FIGN: variants seen among roughly 807,000 people sequenced by gnomAD.
The protein encoded by FIGN is fidgetin, microtubule severing factor.
Under a neutral mutation model 51.3 loss-of-function variants are expected in FIGN, and 11 were observed. The ratio of observed to expected loss-of-function variants is 0.21; its 90% CI spans 0.13 to 0.35. The LOEUF (loss-of-function observed/expected upper bound fraction) is 0.35, where lower values mean the gene tolerates loss of function less well. Ranked by LOEUF, FIGN falls within the 10% of genes least tolerant of loss-of-function variation. The pLI, the probability that FIGN is intolerant of heterozygous loss-of-function variation, is 1.00. For synonymous variants in FIGN, 407 were observed against 363.2 expected, an observed-to-expected ratio of 1.12 and a Z score of -1.37; for missense variants, 857 against 943.6, an observed-to-expected ratio of 0.91 and a Z score of 1.20.
chr2:163,715,850 C>G (rs1469867293), intron 2 of FIGN, among the ~76,000 whole-genome samples: 2 of 152,144 alleles, frequency 1.3e-5, no homozygotes, highest in Non-Finnish European at 2.9e-5. Context: ...CCTATAAACT[C>G]AAAGAAAGTA....
intron 2 of FIGN, among the ~76,000 whole-genome samples, chr2:163,651,393 T>G (rs924856122): frequency 6.6e-6 from 1 of 152,032 alleles, no homozygotes; most frequent in African/African-American, 2.4e-5. Context: ...ACCTGGGAGG[T>G]TGCAGTGAGC....
rs1006692877 is a variant in FIGN at position 163,658,400 on chromosome 2, T to G, written c.26-46594A>C. ...CTCTCTCTCTCTCTCTCTCTCTCTC[T>G]CTCTCTCTCGGTCTTAGTCTGTTTG... On this transcript the variant is annotated intron_variant, in intron 2 of 2. Coordinates refer to ENST00000333129, the MANE Select transcript of FIGN (RefSeq NM_018086.4). Among the ~76,000 whole-genome samples, 821 of 144,714 alleles carry G rather than the reference T, an allele frequency of 5.7e-3. 14 individuals are homozygous for G. Among genetic ancestry groups the G allele is most frequent in the African/African-American group, 0.02 (789 of 38,532 alleles). The allele number at this position is 144,714 out of a possible 152,430, so 94.9% of individuals were successfully genotyped here.
intron 2 of FIGN, among the ~76,000 whole-genome samples, chr2:163,655,829 C>T (rs1683551763): frequency 1.4e-5 from 2 of 138,538 alleles, no homozygotes; most frequent in Non-Finnish European, 3.0e-5. Context: ...AGAGAGAGAG[C>T]TCTACATTTG....
intron 2 of FIGN, among the ~76,000 whole-genome samples, chr2:163,681,669 T>C (rs1026818368): frequency 2.0e-5 from 3 of 152,188 alleles, no homozygotes; most frequent in African/African-American, 7.2e-5. Context: ...AATATCTTTG[T>C]GTCTGTGTAT....
chr2:163,663,411 C>G (rs1403648260), intron 2 of FIGN, among the ~76,000 whole-genome samples: 1 of 151,470 alleles, frequency 6.6e-6, no homozygotes, highest in Non-Finnish European at 1.5e-5. Context: ...CTCAGCTCAC[C>G]GCAACCTCTG....
Position 163,734,996 on chromosome 2 carries a change from T to A in FIGN, c.-69A>T. 6.5e-7 allele frequency: 1 copy of A among 1,537,062 alleles called. No homozygotes were observed. The highest frequency in any genetic ancestry group is 8.9e-7 in the Non-Finnish European group (1 of 1,117,704). ...CAGGAATTCCAAAGGTTGCTTTTCA[T>A]TAAAGCCACTTTTCCTCTCAGCTAT... is the stretch of plus-strand genomic sequence containing the variant. On this transcript the variant is annotated 5_prime_UTR_variant, in exon 2 of 3. An upstream start codon of the reference 5' UTR is lost. Transcript: ENST00000333129.
In FIGN at chr2:163,618,414, C is replaced by CTT. The variant is rs35790939; in HGVS notation, c.26-6610_26-6609dup. 3.1e-3 allele frequency among the ~76,000 whole-genome samples: 451 copies of CTT among 145,752 alleles called. 3 individuals are homozygous for CTT. The highest frequency in any genetic ancestry group is 4.7e-3 in the Non-Finnish European group (310 of 65,832). On this transcript the variant is annotated intron_variant, in intron 2 of 2. Transcript: ENST00000333129. ...TCCATTGTATTTGCATAAAACAATG[C>CTT]TTTTTTTTTTTTAAACAATTATGAA... is the stretch of plus-strand genomic sequence containing the variant.
rs1684855099 is a variant in FIGN at position 163,727,457 on chromosome 2, C to T, written c.25+7446G>A. 8.6e-5 allele frequency among the ~76,000 whole-genome samples: 13 copies of T among 151,826 alleles called. No individual in the cohort carries two copies. In the South Asian group the frequency reaches 2.7e-3, roughly 32 times the overall value. On this transcript the variant is annotated intron_variant, in intron 2 of 2. Transcript: ENST00000333129. ...TGGGACACTGTTATAATAGTTATTT[C>T]CCAGCTTTCTTTCATTAAAGTGCCT...
intron 2 of FIGN, among the ~76,000 whole-genome samples, chr2:163,681,008 T>C (rs577474819): frequency 6.6e-6 from 1 of 152,310 alleles, no homozygotes; most frequent in East Asian, 1.9e-4. Context: ...ACAATGACCT[T>C]AAGCAATAGT....
intron 2 of FIGN, among the ~76,000 whole-genome samples, chr2:163,676,372 C>CA (rs1683963958): frequency 7.0e-6 from 1 of 142,266 alleles, no homozygotes; most frequent in Non-Finnish European, 1.5e-5. Flanking sequence ...TTTATTCGTA[C>CA]AAAATGTATT....
intron 2 of FIGN, among the ~76,000 whole-genome samples, chr2:163,684,950 T>C (rs1375921891): frequency 6.6e-6 from 1 of 150,580 alleles, no homozygotes; most frequent in African/African-American, 2.4e-5. Flanking sequence ...TTTTTTTTTT[T>C]TTTTTTTTGT....
intron 2 of FIGN, among the ~76,000 whole-genome samples, chr2:163,701,424 G>A (rs1448260418): frequency 6.6e-6 from 1 of 152,190 alleles, no homozygotes; most frequent in East Asian, 1.9e-4. Context: ...GGACACAGGA[G>A]GGCCCAAACA....
intron 2 of FIGN, among the ~76,000 whole-genome samples, chr2:163,613,412 G>A (rs1275458357): frequency 6.6e-6 from 1 of 152,048 alleles, no homozygotes; most frequent in Admixed American, 6.6e-5. Context: ...TATTTTGTCA[G>A]TTTCTACCCC....
rs1239169513 is a variant in FIGN, at chr2:163,610,412, T to C, written c.1420A>G (p.Asn474Asp). Residue 474 changes from asparagine to aspartate, a missense_variant, in exon 3 of 3, where the codon AAT becomes GAT. Physicochemically the swap from Asn to Asp is conservative, Grantham distance 23. This residue lies in a region of FIGN where 799 missense variants were observed against 849.5 expected (regional missense o/e 0.94). Coordinates refer to ENST00000333129, the MANE Select transcript of FIGN (RefSeq NM_018086.4). ...GGAGGTCCTTGGGTGATAATCTCAT[T>C]GGTTACCAGGTCGATGAGGTGCGTG... ...TDTHLIDLVT[N>D]EIITQGPPVD... 6.2e-7 allele frequency: 1 copy of C among 1,614,068 alleles called. No homozygotes were observed. The highest frequency in any genetic ancestry group is 1.7e-5 in the Admixed American group (1 of 60,018).
Position 163,609,633 on chromosome 2 carries a change from G to C in FIGN, c.2199C>G (p.Phe733Leu). 6.2e-7 allele frequency: 1 copy of C among 1,614,078 alleles called. No individual in the cohort carries two copies. The highest frequency in any genetic ancestry group is 8.5e-7 in the Non-Finnish European group (1 of 1,180,004). The change falls in exon 3 of 3, where the codon TTC (phenylalanine) becomes TTG (leucine). Residue 733 changes from phenylalanine (F) to leucine (L), a missense_variant. By Grantham distance (22) the Phe-to-Leu change is conservative. Around this residue, in one of 3 missense-constraint regions of FIGN, gnomAD observed 799 missense variants for 849.5 expected, o/e 0.94. Transcript: ENST00000333129. ...PVTYQDFENA[F>L]CKIQPSISQK... ...GAGATATGCTAGGCTGAATCTTGCAGAAAGCATTTTCAAAGTCTTGATATG... is the reference window on the plus strand; with the variant it reads ...GAGATATGCTAGGCTGAATCTTGCACAAAGCATTTTCAAAGTCTTGATATG...
intron 2 of FIGN, among the ~76,000 whole-genome samples, chr2:163,699,013 C>T: frequency 6.6e-6 from 1 of 152,098 alleles, no homozygotes; most frequent in East Asian, 1.9e-4. Context: ...GTTTCACTGG[C>T]ACCCTGGGGA....
chr2:163,704,778 A>C (rs908451135), intron 2 of FIGN, among the ~76,000 whole-genome samples: 2 of 151,896 alleles, frequency 1.3e-5, no homozygotes, highest in African/African-American at 4.8e-5. Context: ...AGCTAATGGG[A>C]TATTTCAAAT....
chr2:163,666,346 A>G (rs1683773206), intron 2 of FIGN, among the ~76,000 whole-genome samples: 1 of 152,148 alleles, frequency 6.6e-6, no homozygotes, highest in South Asian at 2.1e-4. Flanking sequence ...TTATACATTG[A>G]CAGGGCAAAT....
At chr2:163,618,578 T>C (rs1385733977) in intron 2 of FIGN, among the ~76,000 whole-genome samples, 1 of 151,942 alleles carries the variant, frequency 6.6e-6, no homozygotes, top group Non-Finnish European at 1.5e-5. Context: ...GCTTTAAAAA[T>C]CACTCGACTT....
Sources: gnomAD v4.1 joint callset for allele counts (sites outside exome capture counted in the v4.1 genomes callset) on GRCh38, gnomAD v4.1.1 for gene constraint, gnomAD v4.1.1 regional missense constraint, MANE v1.5 for transcripts, NCBI Gene and HGNC (gene_info 2026-07-23, HGNC 2026-07-21) for gene names.